FBXO4: variants seen among roughly 807,000 people sequenced by gnomAD.
FBXO4 encodes the protein F-box protein 4, also known as F-box only protein 4.
A neutral mutation model predicts 43.7 loss-of-function variants in FBXO4; 36 were observed. The ratio of observed to expected loss-of-function variants is 0.82; its 90% confidence interval spans 0.63 to 1.09. FBXO4 has a LOEUF of 1.09. FBXO4 is among the 50% of genes least tolerant of loss of function. The pLI is 0.00. For missense variants in FBXO4, 435 were observed against 474.1 expected (o/e 0.92, Z 0.77); for synonymous variants, 180 against 165.6 (o/e 1.09, Z -0.67).
chr5:42,033,463 GT>G, the FBXO4 span, among the ~76,000 whole-genome samples: 1 of 152,088 alleles, frequency 6.6e-6, no homozygotes, highest in Non-Finnish European at 1.5e-5. Context: ...TGTCATGGTG[GT>G]TTTCTGCACC....
chr5:41,928,390 A>G (rs1361885462), intron 2 of FBXO4: 1 of 147,026 alleles, frequency 6.8e-6, no homozygotes, highest in Non-Finnish European at 1.5e-5. Context: ...GCTGGAGTGC[A>G]GTGGAGCGAT....
At chr5:42,017,112 A>G in the FBXO4 span, among the ~76,000 whole-genome samples, 37 of 152,146 alleles carry the variant, frequency 2.4e-4, no homozygotes, top group Admixed American at 1.0e-3. Context: ...TAACATATGT[A>G]TCTGAGGAAA....
At chr5:41,997,219 C>T in the FBXO4 span, among the ~76,000 whole-genome samples, 1 of 152,246 alleles carries the variant, frequency 6.6e-6, no homozygotes, top group Non-Finnish European at 1.5e-5. Context: ...TCAGGTACAG[C>T]AGCTGCAATT....
the FBXO4 span, chr5:41,952,331 T>C: frequency 1.3e-5 from 2 of 152,232 alleles, no homozygotes; most frequent in African/African-American, 4.8e-5. Flanking sequence ...AGAAGATATA[T>C]TGATCTATTT....
the FBXO4 span, among the ~76,000 whole-genome samples, chr5:42,024,779 C>G: frequency 6.6e-6 from 1 of 151,978 alleles, no homozygotes; most frequent in Non-Finnish European, 1.5e-5. Flanking sequence ...ATTTTTAGAT[C>G]CCACAAATGA....
At chr5:42,025,890 A>T in the FBXO4 span, among the ~76,000 whole-genome samples, 1 of 151,794 alleles carries the variant, frequency 6.6e-6, no homozygotes, top group Non-Finnish European at 1.5e-5. Flanking sequence ...TTTCTATTCC[A>T]TTGGCCTCTG....
rs1751446152 is a variant in FBXO4, at chr5:41,925,376, C to T, written c.67C>T (p.Leu23=). Residue 23 remains leucine (L), a synonymous_variant, in exon 1 of 7, where the codon CTG becomes TTG. Coordinates refer to ENST00000281623, the MANE Select transcript of FBXO4 (RefSeq NM_012176.3). The part of the protein sequence containing the change: ...PPPPFSDWGR[L]EAAILSGWKT... ...GCCGCCCTTCAGCGACTGGGGCCGC[C>T]TGGAGGCGGCCATCCTCAGCGGCTG... 1.4e-6 allele frequency: 2 copies of T among 1,379,474 alleles called. No homozygotes were observed. The highest frequency in any genetic ancestry group is 1.9e-6 in the Non-Finnish European group (2 of 1,062,616). 85.5% of individuals were successfully genotyped at this position (1,379,474 alleles called of 1,614,324 possible). A position where few individuals can be genotyped will look rare whatever the true frequency, so the allele number is the denominator to read the frequency against.
At chr5:42,040,159 C>G in the FBXO4 span, among the ~76,000 whole-genome samples, 1 of 152,062 alleles carries the variant, frequency 6.6e-6, no homozygotes, top group African/African-American at 2.4e-5. Flanking sequence ...CTCCCTTTTG[C>G]AAGATGTATC....
the FBXO4 span, among the ~76,000 whole-genome samples, chr5:42,013,700 A>T: frequency 6.6e-6 from 1 of 152,190 alleles, no homozygotes; most frequent in African/African-American, 2.4e-5. Context: ...AGGTTTTATG[A>T]GCTTGTGTTC....
At chr5:41,991,409 T>TTC in the FBXO4 span, among the ~76,000 whole-genome samples, 25 of 152,222 alleles carry the variant, frequency 1.6e-4, no homozygotes, top group Non-Finnish European at 3.2e-4. Context: ...TCCTGCTCTT[T>TTC]TCTCTGCTTA....
chr5:42,009,375 A>ATG, the FBXO4 span, among the ~76,000 whole-genome samples: 6,017 of 143,610 alleles, frequency 0.042, 261 homozygotes, highest in African/African-American at 0.11. Flanking sequence ...GTGTGTGTGT[A>ATG]TGTGTGTGTG....
At chr5:42,008,286 G>T in the FBXO4 span, among the ~76,000 whole-genome samples, 6 of 152,124 alleles carry the variant, frequency 3.9e-5, no homozygotes, top group African/African-American at 1.2e-4. Context: ...AGGTACCAAG[G>T]CTGCATGACT....
At chr5:42,002,402 A>G in the FBXO4 span, among the ~76,000 whole-genome samples, 3 of 152,232 alleles carry the variant, frequency 2.0e-5, no homozygotes, top group Non-Finnish European at 4.4e-5. Context: ...ATTCTTTAAA[A>G]TATTTTGATC....
At chr5:41,982,420 T>C in the FBXO4 span, among the ~76,000 whole-genome samples, 4 of 152,326 alleles carry the variant, frequency 2.6e-5, no homozygotes, top group East Asian at 5.8e-4. Flanking sequence ...TGTTGTTTCC[T>C]GACTTTTTAA....
At chr5:41,982,872 C>G in the FBXO4 span, among the ~76,000 whole-genome samples, 1 of 152,048 alleles carries the variant, frequency 6.6e-6, no homozygotes, top group Admixed American at 6.6e-5. Flanking sequence ...CCCCTAGTCC[C>G]CCACCCCCTC....
At chr5:42,003,860 C>T in the FBXO4 span, among the ~76,000 whole-genome samples, 1 of 152,150 alleles carries the variant, frequency 6.6e-6, no homozygotes. Flanking sequence ...TGTGACCCAG[C>T]GATCCCATTA....
At chr5:42,026,936 C>T in the FBXO4 span, among the ~76,000 whole-genome samples, 1 of 151,676 alleles carries the variant, frequency 6.6e-6, no homozygotes, top group Non-Finnish European at 1.5e-5. Context: ...ATGTATTTTT[C>T]AATTCAGCTT....
the FBXO4 span, among the ~76,000 whole-genome samples, chr5:42,015,850 T>G: frequency 1.3e-5 from 2 of 152,114 alleles, no homozygotes; most frequent in Non-Finnish European, 2.9e-5. Flanking sequence ...TAATAAACCA[T>G]TTGGAATGTA....
chr5:41,948,735 G>A, the FBXO4 span, among the ~76,000 whole-genome samples: 1 of 152,012 alleles, frequency 6.6e-6, no homozygotes, highest in African/African-American at 2.4e-5. Context: ...TATTTTCTAA[G>A]TAGATACAAT....
Sources: gnomAD v4.1 joint callset for allele counts (sites outside exome capture counted in the v4.1 genomes callset) on GRCh38, gnomAD v4.1.1 for gene constraint, MANE v1.5 for transcripts, NCBI Gene and HGNC (gene_info 2026-07-23, HGNC 2026-07-21) for gene names.